PTGR1: variants seen among roughly 807,000 people sequenced by gnomAD.
PTGR1 encodes 15-oxoprostaglandin 13-reductase.
PTGR1 carries 23 observed loss-of-function variants against 37.7 expected under a neutral mutation model. The ratio of observed to expected loss-of-function variants is 0.61; its 90% CI spans 0.44 to 0.86. The LOEUF is 0.86. PTGR1 is among the 40% of genes least tolerant of loss of function. PTGR1 has a pLI of 0.00. For missense variants in PTGR1, 351 were observed against 394.3 expected (o/e 0.89, Z 0.93); for synonymous variants, 134 against 140.0 (o/e 0.96, Z 0.30).
chr9:111,560,390 C>T (rs925805607), downstream of PTGR1, among the ~76,000 whole-genome samples: 7 of 150,180 alleles, frequency 4.7e-5, no homozygotes, highest in African/African-American at 9.8e-5. Context: ...AGGAGAATCG[C>T]GTGAACCCTG....
chr9:111,562,905 T>C lies in PTGR1; in HGVS notation c.*216A>G. The C allele has an allele frequency of 1.5e-6, 2 of 1,302,108 alleles. No homozygotes were observed. Among genetic ancestry groups the C allele is most frequent in the South Asian group, 2.1e-5 (1 of 48,082 alleles). 80.7% of individuals were successfully genotyped at this position (1,302,108 alleles called of 1,614,324 possible). A position where few individuals can be genotyped will look rare whatever the true frequency, so the allele number is the denominator to read the frequency against. The stretch of plus-strand genomic sequence containing the variant: ...TTTTCTACCACAACTCAGAAGAAGC[T>C]GTAGTGAACAGTGAGGTGACTGGTT... On this transcript the variant is annotated 3_prime_UTR_variant, in exon 10 of 10. Transcript: ENST00000407693.
chr9:111,569,657 C>T lies in PTGR1; in HGVS notation c.879+434G>A, dbSNP rs1322139392. ...GTACACACCTGTAGTCCTAGCTACT[C>T]GGGAGGCTGAGGCATGAGAATTGCT... On this transcript the variant is annotated intron_variant, in intron 9 of 9. Coordinates refer to ENST00000407693, the MANE Select transcript of PTGR1 (RefSeq NM_001146108.2). 5.3e-5 allele frequency among the ~76,000 whole-genome samples: 8 copies of T among 152,070 alleles called. No individual in the cohort carries two copies. In the East Asian group the frequency reaches 1.2e-3, roughly 22 times the overall value.
intron 9 of PTGR1, among the ~76,000 whole-genome samples, chr9:111,551,440 C>G (rs189769145): frequency 1.6e-5 from 2 of 125,440 alleles, no homozygotes; most frequent in South Asian, 5.7e-4. Context: ...TGGAGTCTCA[C>G]TCTGTTGCCC....
Position 111,599,075 on chromosome 9 carries a change from C to A in PTGR1, c.-11+528G>T, listed in dbSNP as rs182462538. Among the ~76,000 whole-genome samples the A allele has an allele frequency of 4.4e-3, 669 of 152,240 alleles. 5 individuals carry two copies. The highest frequency in any genetic ancestry group is 0.015 in the African/African-American group (618 of 41,558). ...AAAGCAACCGCTGGGCTTCCAAACT[C>A]GCTACAAGTCCAGAAGCCCTCCTGG... On this transcript the variant is annotated intron_variant, in intron 1 of 9. Coordinates refer to ENST00000407693, the MANE Select transcript of PTGR1 (RefSeq NM_001146108.2).
At chr9:111,570,807 G>C (rs1289266590) in intron 8 of PTGR1, among the ~76,000 whole-genome samples, 1 of 151,934 alleles carries the variant, frequency 6.6e-6, no homozygotes, top group African/African-American at 2.4e-5. Context: ...AAAGAACCTT[G>C]AGATGGGAAT....
intron 2 of PTGR1, among the ~76,000 whole-genome samples, chr9:111,595,226 C>T (rs1040846984): frequency 3.9e-5 from 6 of 152,028 alleles, no homozygotes; most frequent in East Asian, 1.9e-4. Context: ...GTGCTTCTAT[C>T]GCAGAGACAA....
At chr9:111,560,636 CAAAA>C (rs1015199330), downstream of PTGR1, among the ~76,000 whole-genome samples, 82 of 26,290 alleles carry the variant, frequency 3.1e-3, no homozygotes, top group Non-Finnish European at 1.1e-3. Context: ...GACACCATCT[CAAAA>C]AAAAAAAAAA....
intron 5 of PTGR1, among the ~76,000 whole-genome samples, chr9:111,584,789 G>C (rs1829383631): frequency 6.6e-6 from 1 of 152,162 alleles, no homozygotes; most frequent in Admixed American, 6.6e-5. Flanking sequence ...ATCCCTTGGA[G>C]CTTTGCAACA....
chr9:111,596,332 CA>C, intron 2 of PTGR1, among the ~76,000 whole-genome samples: 1 of 152,170 alleles, frequency 6.6e-6, no homozygotes. Flanking sequence ...AGGGCTTGCA[CA>C]GCGGGGCATG....
intron 9 of PTGR1, chr9:111,549,890 CAT>C (rs1349646160): frequency 1.0e-5 from 8 of 778,892 alleles, no homozygotes; most frequent in South Asian, 6.5e-5. Flanking sequence ...TGGTCTTCCT[CAT>C]GTCCATTTTT....
chr9:111,579,382 C>G (rs1829202264), intron 6 of PTGR1, among the ~76,000 whole-genome samples: 1 of 151,904 alleles, frequency 6.6e-6, no homozygotes, highest in Admixed American at 6.6e-5. Context: ...CCCCCTTATC[C>G]TTTTTTGATT....
At chr9:111,592,332 A>G (rs1227170238) in intron 4 of PTGR1, 2 of 152,226 alleles carry the variant, frequency 1.3e-5, no homozygotes, top group African/African-American at 2.4e-5. Flanking sequence ...TGATGCACAC[A>G]CTATATTGTA....
At chr9:111,585,603 C>G (rs1274571776) in intron 5 of PTGR1, among the ~76,000 whole-genome samples, 1 of 152,158 alleles carries the variant, frequency 6.6e-6, no homozygotes, top group Non-Finnish European at 1.5e-5. Flanking sequence ...CTTCAGCCTC[C>G]CGGCCCCTGA....
At chr9:111,596,394 C>T (rs527410339) in intron 2 of PTGR1, among the ~76,000 whole-genome samples, 3 of 152,110 alleles carry the variant, frequency 2.0e-5, no homozygotes, top group Non-Finnish European at 4.4e-5. Context: ...GCGGGCTGAT[C>T]ATCTAAGGTC....
At chr9:111,589,689 G>A (rs1829548199) in intron 4 of PTGR1, among the ~76,000 whole-genome samples, 1 of 151,750 alleles carries the variant, frequency 6.6e-6, no homozygotes, top group African/African-American at 2.4e-5. Flanking sequence ...CAAAGCTGGA[G>A]TGCAATGGCG....
intron 9 of PTGR1, among the ~76,000 whole-genome samples, chr9:111,568,388 T>C (rs1564612147): frequency 6.6e-6 from 1 of 152,094 alleles, no homozygotes; most frequent in Non-Finnish European, 1.5e-5. Flanking sequence ...CTTATTAGGG[T>C]GGGGGAAAAA....
At position 111,596,899 on chromosome 9, in the gene PTGR1, C is replaced by A. The variant is rs574237549; in HGVS notation, c.106+418G>T. ...CCAAAATCATGCCACTGCACTCCAACCTGGGCAACAGAGCAAGACTCTGTC... is the reference window on the plus strand; with the variant it reads ...CCAAAATCATGCCACTGCACTCCAAACTGGGCAACAGAGCAAGACTCTGTC... On this transcript the variant is annotated intron_variant, in intron 2 of 9. Coordinates refer to ENST00000407693, the MANE Select transcript of PTGR1 (RefSeq NM_001146108.2). Among the ~76,000 whole-genome samples the A allele has an allele frequency of 6.0e-5, 8 of 133,452 alleles. No homozygotes were observed. The South Asian group carries it at 1.6e-3, about 28-fold the overall frequency. The allele number at this position is 133,452 out of a possible 152,430, so 87.5% of individuals were successfully genotyped here.
At chr9:111,556,751 C>A (rs1315162491) in intron 9 of PTGR1, among the ~76,000 whole-genome samples, 1 of 152,202 alleles carries the variant, frequency 6.6e-6, no homozygotes, top group African/African-American at 2.4e-5. Context: ...AGCATTTCCC[C>A]CTTTTTGCTC....
intron 3 of PTGR1, 104 bp downstream of exon 3, chr9:111,594,118 G>T: frequency 8.3e-7 from 1 of 1,202,922 alleles, no homozygotes; most frequent in Non-Finnish European, 1.2e-6. Flanking sequence ...GAAACAGAAG[G>T]AAAGTGACAA....
Sources: gnomAD v4.1 joint callset for allele counts (sites outside exome capture counted in the v4.1 genomes callset) on GRCh38, gnomAD v4.1.1 for gene constraint, MANE v1.5 for transcripts, NCBI Gene and HGNC (gene_info 2026-07-23, HGNC 2026-07-21) for gene names.